Variants in LRRC4C observed in about 807,000 individuals in gnomAD.
The protein encoded by LRRC4C is leucine-rich repeat-containing protein 4C.
LRRC4C carries 5 observed loss-of-function variants against 33.6 expected under a neutral mutation model. That is an observed-to-expected ratio of 0.15 (90% confidence interval 0.08 to 0.31). LRRC4C has a LOEUF of 0.31. Ranked by LOEUF, LRRC4C falls within the 10% of genes least tolerant of loss-of-function variation. The pLI is 1.00. For missense variants in LRRC4C, 560 were observed against 796.7 expected (o/e 0.70, Z 3.58); for synonymous variants, 329 against 302.0 (o/e 1.09, Z -0.93).
intron 1 of LRRC4C, among the ~76,000 whole-genome samples, chr11:41,402,188 A>C (rs1218252860): frequency 1.3e-5 from 2 of 152,056 alleles, no homozygotes; most frequent in Non-Finnish European, 2.9e-5. Context: ...AAGAGAGTTC[A>C]TCTCATTATT....
intron 1 of LRRC4C, among the ~76,000 whole-genome samples, chr11:41,122,063 C>T (rs1240896907): frequency 1.3e-5 from 2 of 151,906 alleles, no homozygotes; most frequent in African/African-American, 4.8e-5. Flanking sequence ...TCTCATTGCT[C>T]CTAGGAAACA....
intron 2 of LRRC4C, among the ~76,000 whole-genome samples, chr11:40,902,150 G>A (rs940741003): frequency 3.3e-5 from 5 of 151,808 alleles, no homozygotes; most frequent in African/African-American, 1.2e-4. Flanking sequence ...CAATTCGATC[G>A]GTGGTGTTTT....
intron 3 of LRRC4C, among the ~76,000 whole-genome samples, chr11:40,371,924 A>G (rs1020576): frequency 0.99 from 151,042 of 152,262 alleles, 74,939 homozygotes; most frequent in Middle Eastern, 1. Context: ...TAGATAGGGC[A>G]GGAGCGGCTA....
chr11:41,167,123 G>T (rs970127161), intron 1 of LRRC4C, among the ~76,000 whole-genome samples: 1 of 152,014 alleles, frequency 6.6e-6, no homozygotes, highest in Non-Finnish European at 1.5e-5. Context: ...GATATATACA[G>T]ATGATATAGA....
intron 2 of LRRC4C, among the ~76,000 whole-genome samples, chr11:40,869,997 C>T (rs1035398193): frequency 6.6e-6 from 1 of 152,080 alleles, no homozygotes; most frequent in Non-Finnish European, 1.5e-5. Flanking sequence ...ATTTGCTGTT[C>T]ATAACATACT....
At chr11:41,095,654 G>T (rs1393926019) in intron 1 of LRRC4C, among the ~76,000 whole-genome samples, 1 of 152,200 alleles carries the variant, frequency 6.6e-6, no homozygotes, top group African/African-American at 2.4e-5. Context: ...AGAAGTGGGA[G>T]TTGGAGTGGA....
intron 3 of LRRC4C, among the ~76,000 whole-genome samples, chr11:40,370,711 C>T (rs1031254361): frequency 2.0e-5 from 3 of 152,064 alleles, no homozygotes; most frequent in African/African-American, 7.2e-5. Flanking sequence ...TTTAGTAAAA[C>T]ATTTTAGTAA....
intron 2 of LRRC4C, among the ~76,000 whole-genome samples, chr11:40,754,722 C>G (rs996092717): frequency 2.0e-5 from 3 of 151,822 alleles, no homozygotes; most frequent in Non-Finnish European, 2.9e-5. Flanking sequence ...TTTTAATTTC[C>G]TCTTGTTTTA....
chr11:41,018,003 A>T, intron 1 of LRRC4C, among the ~76,000 whole-genome samples: 1 of 152,022 alleles, frequency 6.6e-6, no homozygotes, highest in Admixed American at 6.6e-5. Flanking sequence ...CTTCAAGATG[A>T]TAATCCATCC....
intron 3 of LRRC4C, among the ~76,000 whole-genome samples, chr11:40,337,109 G>T (rs1218318270): frequency 2.0e-5 from 3 of 150,724 alleles, no homozygotes; most frequent in African/African-American, 7.3e-5. Flanking sequence ...AGAAACTCAT[G>T]TACAGCTACT....
intron 3 of LRRC4C, among the ~76,000 whole-genome samples, chr11:40,564,184 A>G (rs749290703): frequency 4.6e-5 from 7 of 152,170 alleles, no homozygotes; most frequent in Non-Finnish European, 7.3e-5. Context: ...GCCCTGTAAA[A>G]GACCATAGGG....
At chr11:40,449,677 G>A (rs1951800815) in intron 3 of LRRC4C, among the ~76,000 whole-genome samples, 1 of 152,112 alleles carries the variant, frequency 6.6e-6, no homozygotes, top group Non-Finnish European at 1.5e-5. Context: ...CCCACTCTAG[G>A]CATGAATGGG....
chr11:40,677,598 T>C (rs899477031), intron 2 of LRRC4C, among the ~76,000 whole-genome samples: 5 of 152,148 alleles, frequency 3.3e-5, no homozygotes, highest in Admixed American at 6.5e-5. Context: ...GCATAAATAT[T>C]TGGGAAGTGA....
intron 3 of LRRC4C, among the ~76,000 whole-genome samples, chr11:40,637,525 C>A (rs1193877460): frequency 1.3e-5 from 2 of 152,152 alleles, no homozygotes; most frequent in Non-Finnish European, 2.9e-5. Flanking sequence ...CAGTTAACAA[C>A]CACCTCCTTA....
At chr11:40,848,773 G>A (rs1056393194) in intron 2 of LRRC4C, among the ~76,000 whole-genome samples, 1 of 152,126 alleles carries the variant, frequency 6.6e-6, no homozygotes, top group African/African-American at 2.4e-5. Context: ...TATTGCGTGG[G>A]AGTCTATGTC....
At chr11:40,242,711 T>C (rs1866013358) in intron 4 of LRRC4C, among the ~76,000 whole-genome samples, 1 of 152,068 alleles carries the variant, frequency 6.6e-6, no homozygotes, top group Admixed American at 6.6e-5. Context: ...AAAGCTAGTG[T>C]CTGTACCTAA....
At chr11:40,634,409 CGG>C (rs1963770481) in intron 3 of LRRC4C, among the ~76,000 whole-genome samples, 2 of 152,108 alleles carry the variant, frequency 1.3e-5, no homozygotes, top group Admixed American at 6.5e-5. Flanking sequence ...TTAGGGTTTA[CGG>C]ATTTCATTAA....
chr11:41,005,460 C>T (rs922676080), intron 1 of LRRC4C, among the ~76,000 whole-genome samples: 6 of 151,976 alleles, frequency 3.9e-5, no homozygotes, highest in African/African-American at 9.7e-5. Flanking sequence ...AAAAATTAGC[C>T]GGGCGTGGTG....
intron 1 of LRRC4C, among the ~76,000 whole-genome samples, chr11:41,029,990 C>G (rs1856613223): frequency 6.6e-6 from 1 of 151,642 alleles, no homozygotes; most frequent in Admixed American, 6.6e-5. Flanking sequence ...TTTGTCAGGC[C>G]AAGAAGGGAA....
Sources: gnomAD v4.1 joint callset for allele counts (sites outside exome capture counted in the v4.1 genomes callset) on GRCh38, gnomAD v4.1.1 for gene constraint, MANE v1.5 for transcripts, NCBI Gene and HGNC (gene_info 2026-07-23, HGNC 2026-07-21) for gene names.